The following CREB5 variants were observed in gnomAD, a reference collection of about 807,000 sequenced individuals.
The protein encoded by CREB5 is cyclic AMP-responsive element-binding protein 5.
A neutral mutation model predicts 57.1 loss-of-function variants in CREB5; 19 were observed. The observed-to-expected ratio is 0.33, with a 90% CI of 0.23 to 0.49. CREB5 has a LOEUF of 0.49. CREB5 is among the 20% of genes least tolerant of loss of function. The pLI is 0.99. For missense variants in CREB5, 579 were observed against 671.6 expected (o/e 0.86, Z 1.52); for synonymous variants, 238 against 238.3 (o/e 1.00, Z 0.01).
At chr7:28,624,274 T>C (rs1198754025) in intron 5 of CREB5, among the ~76,000 whole-genome samples, 1 of 152,200 alleles carries the variant, frequency 6.6e-6, no homozygotes, top group Non-Finnish European at 1.5e-5. Context: ...AATGTTCTCT[T>C]CCAAGTTTTT....
intron 8 of CREB5, among the ~76,000 whole-genome samples, chr7:28,805,590 C>T (rs181202223): frequency 2.2e-4 from 33 of 152,336 alleles, no homozygotes; most frequent in African/African-American, 7.9e-4. Flanking sequence ...TGCACCAAAC[C>T]TGGACAGCCA....
At chr7:28,435,381 A>ATTTT (rs34815040) in intron 1 of CREB5, among the ~76,000 whole-genome samples, 3 of 103,514 alleles carry the variant, frequency 2.9e-5, no homozygotes, top group Non-Finnish European at 3.9e-5. Context: ...TTTCCCTTCC[A>ATTTT]TTTTTTTTTT....
chr7:28,362,762 A>G lies in CREB5; in HGVS notation c.-25+63321A>G, dbSNP rs112182418. Among the ~76,000 whole-genome samples the G allele has an allele frequency of 2.9e-3, 442 of 152,342 alleles. 6 individuals are homozygous for G. Among genetic ancestry groups the G allele is most frequent in the African/African-American group, 0.01 (424 of 41,592 alleles). On this transcript the variant is annotated intron_variant, in intron 1 of 9. Coordinates refer to the CREB5 transcript ENST00000396299. ...CGTCCTTGGGTAGAGGTACACACAC[A>G]TGAAAATCGGAAAAACAAGCTTAGC...
intron 6 of CREB5, among the ~76,000 whole-genome samples, chr7:28,723,822 A>G (rs904987884): frequency 7.2e-5 from 11 of 152,226 alleles, no homozygotes; most frequent in African/African-American, 2.2e-4. Context: ...CTTGGTGATT[A>G]TATTTAGTGG....
intron 5 of CREB5, among the ~76,000 whole-genome samples, chr7:28,707,239 T>C (rs187120162): frequency 4.1e-4 from 62 of 152,330 alleles, no homozygotes; most frequent in Admixed American, 3.5e-3. Flanking sequence ...GACAGTTGTA[T>C]TAACTGTATT....
At chr7:28,785,389 G>C (rs1026195548) in intron 7 of CREB5, among the ~76,000 whole-genome samples, 1 of 152,240 alleles carries the variant, frequency 6.6e-6, no homozygotes, top group Non-Finnish European at 1.5e-5. Flanking sequence ...TTCTCGATTT[G>C]TTTGATTCAT....
chr7:28,387,830 G>T (rs1224873352), intron 1 of CREB5, among the ~76,000 whole-genome samples: 1 of 151,938 alleles, frequency 6.6e-6, no homozygotes. Flanking sequence ...GAAAAAGAAA[G>T]AAAAAAATAT....
At chr7:28,365,907 A>G (rs1249279830) in intron 1 of CREB5, among the ~76,000 whole-genome samples, 1 of 152,168 alleles carries the variant, frequency 6.6e-6, no homozygotes, top group Non-Finnish European at 1.5e-5. Flanking sequence ...ATTGACATCT[A>G]TATTGTTCAT....
chr7:28,660,433 T>C (rs1478240459), intron 5 of CREB5, among the ~76,000 whole-genome samples: 1 of 150,626 alleles, frequency 6.6e-6, no homozygotes, highest in Non-Finnish European at 1.5e-5. Context: ...CATTCTGTTA[T>C]TCTGAAGAGA....
At chr7:28,690,472 G>T (rs1160746966) in intron 5 of CREB5, among the ~76,000 whole-genome samples, 2 of 152,156 alleles carry the variant, frequency 1.3e-5, no homozygotes, top group Non-Finnish European at 1.5e-5. Flanking sequence ...AGAGAAGCAG[G>T]GTGGGGTCTC....
At chr7:28,672,683 G>A (rs1265880676) in intron 5 of CREB5, among the ~76,000 whole-genome samples, 1 of 152,088 alleles carries the variant, frequency 6.6e-6, no homozygotes, top group Non-Finnish European at 1.5e-5. Flanking sequence ...TACTGGATGA[G>A]ACCTCCCCTA....
chr7:28,818,190 G>GACTTTTTC lies in CREB5; in HGVS notation c.1363+18_1363+25dup. The GACTTTTTC allele has an allele frequency of 1.3e-6, 2 of 1,593,416 alleles. No individual in the cohort carries two copies. Among genetic ancestry groups the GACTTTTTC allele is most frequent in the Non-Finnish European group, 1.7e-6 (2 of 1,165,020 alleles). ...CACAAGGATATCTAAGTAAGTCGCC[G>GACTTTTTC]ACTTTTTCACTTTTCTTTAGTGTCC... On this transcript the variant is annotated intron_variant, in intron 10 of 10. Coordinates refer to ENST00000357727, the MANE Select transcript of CREB5 (RefSeq NM_182898.4).
chr7:28,688,083 G>GAATTAGTA (rs1456135485), intron 5 of CREB5, among the ~76,000 whole-genome samples: 5 of 152,184 alleles, frequency 3.3e-5, no homozygotes, highest in African/African-American at 1.2e-4. Flanking sequence ...AATTCAGGAT[G>GAATTAGTA]AATTAGTACT....
At chr7:28,445,253 A>G (rs1046452617) in intron 1 of CREB5, among the ~76,000 whole-genome samples, 1 of 152,148 alleles carries the variant, frequency 6.6e-6, no homozygotes, top group Non-Finnish European at 1.5e-5. Context: ...GTATGTCTTT[A>G]TTAGCAGTGT....
At chr7:28,455,009 G>A (rs542764108) in intron 1 of CREB5, among the ~76,000 whole-genome samples, 23 of 152,294 alleles carry the variant, frequency 1.5e-4, no homozygotes, top group African/African-American at 4.3e-4. Context: ...CCTCCCTGAC[G>A]TGCATGAACA....
chr7:28,647,038 G>A (rs536517016), intron 5 of CREB5, among the ~76,000 whole-genome samples: 1 of 151,938 alleles, frequency 6.6e-6, no homozygotes, highest in Non-Finnish European at 1.5e-5. Flanking sequence ...AGAAGAAAAA[G>A]CTTACTCCTA....
At chr7:28,491,611 C>G (rs1739011360) in intron 2 of CREB5, among the ~76,000 whole-genome samples, 1 of 152,184 alleles carries the variant, frequency 6.6e-6, no homozygotes, top group Non-Finnish European at 1.5e-5. Flanking sequence ...GCTTCTAAAA[C>G]TCGATGTCTT....
At chr7:28,750,861 G>T (rs369672231) in intron 7 of CREB5, among the ~76,000 whole-genome samples, 1 of 152,096 alleles carries the variant, frequency 6.6e-6, no homozygotes, top group Non-Finnish European at 1.5e-5. Context: ...TTTTTGGAAT[G>T]AATTTATCAG....
chr7:28,311,129 C>G (rs1350773644), intron 1 of CREB5, among the ~76,000 whole-genome samples: 1 of 17,732 alleles, frequency 5.6e-5, no homozygotes, highest in South Asian at 2.2e-3. Flanking sequence ...CCCGTCTCTA[C>G]TAAAAATACA....
Sources: gnomAD v4.1 joint callset for allele counts (sites outside exome capture counted in the v4.1 genomes callset) on GRCh38, gnomAD v4.1.1 for gene constraint, MANE v1.5 for transcripts, NCBI Gene and HGNC (gene_info 2026-07-23, HGNC 2026-07-21) for gene names.